The following DACH2 variants were observed in gnomAD, a reference collection of about 807,000 sequenced individuals.
DACH2 encodes dachshund family transcription factor 2, also known as dachshund homolog 2.
In DACH2, 17 loss-of-function variants were observed where a neutral mutation model predicts 35.8. The observed-to-expected ratio is 0.48, with a 90% CI of 0.33 to 0.71. The LOEUF (loss-of-function observed/expected upper bound fraction) is 0.71. Among genes scored for constraint, DACH2 ranks in the 30% least tolerant of loss-of-function variants. The pLI, the probability that DACH2 is intolerant of heterozygous loss-of-function variation, is 0.02. For synonymous variants in DACH2, 195 were observed against 177.3 expected (o/e 1.10, Z -0.79); for missense variants, 469 against 472.7 (o/e 0.99, Z 0.07).
At chrX:86,161,293 C>T in intron 1 of DACH2, 2 of 1,186,087 alleles carry the variant, frequency 1.7e-6, no homozygotes, top group Non-Finnish European at 2.3e-6. Flanking sequence ...TCAAATTCAC[C>T]AACACCAGCA....
At chrX:86,196,777 A>G (rs2032001552) in intron 1 of DACH2, among the ~76,000 whole-genome samples, 1 of 108,785 alleles carries the variant, frequency 9.2e-6, no homozygotes. Context: ...AACTAAATCT[A>G]TGACTCGTTG....
intron 1 of DACH2, among the ~76,000 whole-genome samples, chrX:86,162,492 T>A (rs769023588): frequency 2.2e-4 from 24 of 111,076 alleles, no homozygotes; most frequent in Non-Finnish European, 3.6e-4. Context: ...ATCCATAGAG[T>A]TCTTGAATGA....
In DACH2 at chrX:86,406,276, A is replaced by G. The variant is rs745719364; in HGVS notation, c.527+29414A>G. ...ATCTGGAGGCCATTATCCTACACAA[A>G]CTAAGAGAGGAACAGAAAACTAAAT... On this transcript the variant is annotated intron_variant, in intron 2 of 11. Coordinates refer to ENST00000373125, the MANE Select transcript of DACH2 (RefSeq NM_053281.3). Among the ~76,000 whole-genome samples, 7 of 112,203 alleles carry G rather than the reference A, an allele frequency of 6.2e-5. No homozygotes were observed. The East Asian group carries it at 2.0e-3, about 31-fold the overall frequency.
chrX:86,347,186 A>T, intron 1 of DACH2, among the ~76,000 whole-genome samples: 1 of 112,306 alleles, frequency 8.9e-6, no homozygotes, highest in Non-Finnish European at 1.9e-5. Flanking sequence ...AAACAATAAC[A>T]AGCGAGGAAA....
intron 1 of DACH2, among the ~76,000 whole-genome samples, chrX:86,324,776 A>T (rs1349241459): frequency 9.3e-6 from 1 of 107,944 alleles, no homozygotes; most frequent in East Asian, 2.9e-4. Flanking sequence ...ATGGGGTTTC[A>T]CTGTGTTAGC....
intron 5 of DACH2, among the ~76,000 whole-genome samples, chrX:86,707,912 T>TTAAAAAAAAAAAA (rs2041235043): frequency 2.9e-5 from 1 of 34,579 alleles, no homozygotes; most frequent in East Asian, 7.1e-4. Flanking sequence ...AGACTCCATC[T>TTAAAAAAAAAAAA]AAAAAAAAAA....
At chrX:86,299,382 T>C (rs2213646) in intron 1 of DACH2, among the ~76,000 whole-genome samples, 53,097 of 110,423 alleles carry the variant, frequency 0.48, 9,691 homozygotes, top group Non-Finnish European at 0.58. Context: ...TCAGCTTCCT[T>C]ATATCCAGTG....
chrX:86,630,712 A>G (rs1360969035), intron 3 of DACH2, among the ~76,000 whole-genome samples: 1 of 108,334 alleles, frequency 9.2e-6, no homozygotes, highest in Non-Finnish European at 1.9e-5. Flanking sequence ...TTTTTTTTTA[A>G]CTGAGTCTTG....
At chrX:86,808,733 G>A (rs186997855) in intron 7 of DACH2, among the ~76,000 whole-genome samples, 222 of 110,237 alleles carry the variant, frequency 2.0e-3, no homozygotes, top group African/African-American at 6.8e-3. Context: ...ACTTGATAAC[G>A]AATAAAACTG....
chrX:86,410,424 C>T (rs939932093), intron 2 of DACH2, among the ~76,000 whole-genome samples: 1 of 111,479 alleles, frequency 9.0e-6, no homozygotes, highest in East Asian at 2.8e-4. Context: ...AACATTGTTG[C>T]CTAATATATT....
At chrX:86,181,309 A>G (rs2031485778) in intron 1 of DACH2, among the ~76,000 whole-genome samples, 1 of 110,177 alleles carries the variant, frequency 9.1e-6, no homozygotes, top group African/African-American at 3.3e-5. Flanking sequence ...TACATTAGGT[A>G]TTTCTCCTAA....
chrX:86,690,761 GAAGT>G lies in DACH2; in HGVS notation c.773-4256_773-4253del, dbSNP rs1200764524. Among the ~76,000 whole-genome samples, 22 of 110,184 alleles carry G rather than the reference GAAGT, an allele frequency of 2.0e-4. 1 individual carries two copies. Among genetic ancestry groups the G allele is most frequent in the Middle Eastern group, 9.4e-3 (2 of 213 alleles). On this transcript the variant is annotated intron_variant, in intron 4 of 11. Coordinates refer to ENST00000373125, the MANE Select transcript of DACH2 (RefSeq NM_053281.3). The stretch of plus-strand genomic sequence containing the variant: ...TCTAACTAAGAATATATATTTCTAC[GAAGT>G]AAGGGCTTATAAAAAATGTAGTTCT...
At chrX:86,762,925 G>A (rs192535725) in intron 7 of DACH2, among the ~76,000 whole-genome samples, 17 of 111,060 alleles carry the variant, frequency 1.5e-4, no homozygotes, top group Admixed American at 1.3e-3. Flanking sequence ...TTTTTTGTAC[G>A]CATTAACCAT....
intron 2 of DACH2, among the ~76,000 whole-genome samples, chrX:86,432,945 C>A (rs961409013): frequency 1.8e-5 from 2 of 111,377 alleles, no homozygotes; most frequent in Admixed American, 1.9e-4. Context: ...AGAAGCATTG[C>A]GTGGTCGTTA....
At chrX:86,678,238 A>G (rs2040842807) in intron 4 of DACH2, among the ~76,000 whole-genome samples, 1 of 112,259 alleles carries the variant, frequency 8.9e-6, no homozygotes, top group African/African-American at 3.2e-5. Flanking sequence ...AGACCATGAT[A>G]TTTTATGATA....
chrX:86,334,598 T>C (rs965605850), intron 1 of DACH2, among the ~76,000 whole-genome samples: 1 of 112,390 alleles, frequency 8.9e-6, no homozygotes, highest in African/African-American at 3.2e-5. Context: ...CACTTTTTGA[T>C]GGGGTTGTTT....
chrX:86,571,449 C>A (rs951853188), intron 3 of DACH2, among the ~76,000 whole-genome samples: 1 of 109,294 alleles, frequency 9.1e-6, no homozygotes, highest in African/African-American at 3.3e-5. Context: ...CCTCCCCGCT[C>A]CCCCCACCCC....
At chrX:86,307,083 A>G (rs1032664931) in intron 1 of DACH2, among the ~76,000 whole-genome samples, 4 of 112,030 alleles carry the variant, frequency 3.6e-5, no homozygotes, top group Non-Finnish European at 7.5e-5. Flanking sequence ...TAGTGACTCT[A>G]CACATAATAT....
chrX:86,204,244 T>A (rs1202875419), intron 1 of DACH2, among the ~76,000 whole-genome samples: 5 of 111,956 alleles, frequency 4.5e-5, no homozygotes, highest in Non-Finnish European at 7.5e-5. Flanking sequence ...TAGAACCATG[T>A]CTGCTACAGA....
Sources: gnomAD v4.1 joint callset for allele counts (sites outside exome capture counted in the v4.1 genomes callset) on GRCh38, gnomAD v4.1.1 for gene constraint, MANE v1.5 for transcripts, NCBI Gene and HGNC (gene_info 2026-07-23, HGNC 2026-07-21) for gene names.